Variants in SAMD4A observed in about 807,000 individuals in gnomAD.
SAMD4A encodes sterile alpha motif domain containing 4A, also known as protein Smaug homolog 1.
Under a neutral mutation model 81.3 loss-of-function variants are expected in SAMD4A, and 33 were observed. The ratio of observed to expected loss-of-function variants is 0.41; its 90% CI spans 0.31 to 0.54. The LOEUF (loss-of-function observed/expected upper bound fraction) is 0.54. Ranked by LOEUF, SAMD4A falls within the 20% of genes least tolerant of loss-of-function variation. SAMD4A has a pLI of 0.37. For missense variants in SAMD4A, 854 were observed against 951.1 expected, an observed-to-expected ratio of 0.90 and a Z score of 1.34; for synonymous variants, 389 against 382.1, an observed-to-expected ratio of 1.02 and a Z score of -0.21.
intron 3 of SAMD4A, 138 bp downstream of exon 3, chr14:54,702,718 G>T (rs2036751729): frequency 9.6e-7 from 1 of 1,036,390 alleles, no homozygotes; most frequent in Non-Finnish European, 1.4e-6. Context: ...CTGTGGGAAA[G>T]GTCCTTTGGA....
rs1227739713 is a variant in SAMD4A, at chr14:54,691,705, C to A, written c.197-10357C>A. ...TGCAGAAATTCCCAGCATTGGCTGG[C>A]GGCTGGAGGGGAAGCAGGAAGGGAG... is the stretch of plus-strand genomic sequence containing the variant. On this transcript the variant is annotated intron_variant, in intron 2 of 12. Transcript: ENST00000554335. Among the ~76,000 whole-genome samples the A allele has an allele frequency of 5.3e-5, 8 of 152,288 alleles. No individual in the cohort carries two copies. The East Asian group carries it at 1.5e-3, about 29-fold the overall frequency.
At chr14:54,779,282 C>T (rs193002362) in intron 11 of SAMD4A, among the ~76,000 whole-genome samples, 25 of 152,306 alleles carry the variant, frequency 1.6e-4, no homozygotes, top group African/African-American at 5.5e-4. Context: ...TTCATCTGTA[C>T]ATGAACAGGA....
intron 2 of SAMD4A, among the ~76,000 whole-genome samples, chr14:54,599,743 T>C (rs537250434): frequency 6.6e-6 from 1 of 152,342 alleles, no homozygotes; most frequent in East Asian, 1.9e-4. Flanking sequence ...TAAACTAAAA[T>C]GTTACACGGA....
intron 2 of SAMD4A, among the ~76,000 whole-genome samples, chr14:54,606,656 C>T (rs1457239684): frequency 6.6e-6 from 1 of 152,188 alleles, no homozygotes; most frequent in Admixed American, 6.5e-5. Context: ...TAGGAAATAA[C>T]TCTATATACT....
chr14:54,730,447 C>T (rs1444496772), intron 3 of SAMD4A, among the ~76,000 whole-genome samples: 1 of 152,198 alleles, frequency 6.6e-6, no homozygotes, highest in Non-Finnish European at 1.5e-5. Context: ...TCAGGAACAT[C>T]CCGTCCACCA....
intron 2 of SAMD4A, among the ~76,000 whole-genome samples, chr14:54,674,237 G>A (rs981761715): frequency 6.6e-6 from 1 of 152,232 alleles, no homozygotes; most frequent in African/African-American, 2.4e-5. Flanking sequence ...ATATTCAGTG[G>A]CAGCAGAGAT....
At chr14:54,650,512 C>T (rs931614417) in intron 2 of SAMD4A, among the ~76,000 whole-genome samples, 1 of 152,186 alleles carries the variant, frequency 6.6e-6, no homozygotes, top group East Asian at 1.9e-4. Flanking sequence ...GGTCATGCCT[C>T]GTGGGTTGGC....
intron 3 of SAMD4A, among the ~76,000 whole-genome samples, chr14:54,708,604 G>C (rs1325900729): frequency 6.6e-6 from 1 of 152,186 alleles, no homozygotes; most frequent in Non-Finnish European, 1.5e-5. Flanking sequence ...CTGAAAGCTG[G>C]AGAAAAGCAG....
At chr14:54,576,013 T>C (rs1307218167) in intron 2 of SAMD4A, among the ~76,000 whole-genome samples, 327 of 13,888 alleles carry the variant, frequency 0.024, 6 homozygotes, top group African/African-American at 0.044. Context: ...TTTTTTTTTT[T>C]TTTTTTTTTT....
At chr14:54,788,330 G>A (rs560745346) in intron 12 of SAMD4A, among the ~76,000 whole-genome samples, 10 of 152,216 alleles carry the variant, frequency 6.6e-5, no homozygotes, top group South Asian at 6.2e-4. Context: ...GTCCACCTGC[G>A]TGTCCGTTGC....
chr14:54,741,407 A>G (rs114884902), intron 4 of SAMD4A, among the ~76,000 whole-genome samples: 2,002 of 152,368 alleles, frequency 0.013, 45 homozygotes, highest in African/African-American at 0.045. Context: ...TGCCACAGCT[A>G]TGATGAATGA....
chr14:54,684,263 C>A (rs1272115333), intron 2 of SAMD4A, among the ~76,000 whole-genome samples: 1 of 152,170 alleles, frequency 6.6e-6, no homozygotes, highest in African/African-American at 2.4e-5. Flanking sequence ...CTAACAGCAC[C>A]CCCAAATCGC....
At chr14:54,605,128 G>A (rs1460536583) in intron 2 of SAMD4A, among the ~76,000 whole-genome samples, 1 of 152,142 alleles carries the variant, frequency 6.6e-6, no homozygotes, top group East Asian at 1.9e-4. Context: ...TGTTGTTCGT[G>A]ATGTTAATTT....
At chr14:54,700,992 A>ATTTTTTTTTTTTTTTT (rs1555344776) in intron 2 of SAMD4A, 1 of 121,654 alleles carries the variant, frequency 8.2e-6, no homozygotes, top group Non-Finnish European at 1.8e-5. Context: ...TGAAACGGTG[A>ATTTTTTTTTTTTTTTT]ATTTTTTTTT....
At chr14:54,776,854 T>C (rs1566634986) in intron 11 of SAMD4A, among the ~76,000 whole-genome samples, 1 of 94,128 alleles carries the variant, frequency 1.1e-5, no homozygotes, top group East Asian at 3.3e-4. Flanking sequence ...GCTCCATGTG[T>C]AGTGTGTGTG....
At chr14:54,686,431 C>T (rs1461290174) in intron 2 of SAMD4A, among the ~76,000 whole-genome samples, 1 of 152,040 alleles carries the variant, frequency 6.6e-6, no homozygotes, top group African/African-American at 2.4e-5. Context: ...ACAGTGAATT[C>T]AGGGAGATTT....
intron 7 of SAMD4A, among the ~76,000 whole-genome samples, chr14:54,761,080 C>G (rs1465741752): frequency 6.6e-6 from 1 of 152,238 alleles, no homozygotes; most frequent in Non-Finnish European, 1.5e-5. Flanking sequence ...TTTATATTCT[C>G]TCTTCACGGC....
chr14:54,595,416 T>A (rs978248211), intron 2 of SAMD4A, among the ~76,000 whole-genome samples: 45 of 148,302 alleles, frequency 3.0e-4, no homozygotes, highest in Non-Finnish European at 6.1e-4. Flanking sequence ...TACATGTGTT[T>A]ATTTATATAT....
Position 54,749,187 on chromosome 14 carries a change from C to T in SAMD4A, c.1089+263C>T, listed in dbSNP as rs138674494. 5.7e-3 allele frequency among the ~76,000 whole-genome samples: 863 copies of T among 152,302 alleles called. 7 individuals carry two copies. The highest frequency in any genetic ancestry group is 0.019 in the African/African-American group (806 of 41,564). ...CAAGTGGTGTGAAAAGGCATAATCTCGGCACACTTGAAAGTTCCAGGTGCC... is the reference window on the plus strand; with the variant it reads ...CAAGTGGTGTGAAAAGGCATAATCTTGGCACACTTGAAAGTTCCAGGTGCC... On this transcript the variant is annotated intron_variant, in intron 5 of 12. Coordinates refer to ENST00000554335, the MANE Select transcript of SAMD4A (RefSeq NM_015589.6).
Sources: gnomAD v4.1 joint callset for allele counts (sites outside exome capture counted in the v4.1 genomes callset) on GRCh38, gnomAD v4.1.1 for gene constraint, MANE v1.5 for transcripts, NCBI Gene and HGNC (gene_info 2026-07-23, HGNC 2026-07-21) for gene names.